The following CCDC171 variants were observed in gnomAD, a reference collection of about 807,000 sequenced individuals.
The protein encoded by CCDC171 is coiled-coil domain containing 171.
Under a neutral mutation model 168.2 loss-of-function variants are expected in CCDC171, and 177 were observed. That is an observed-to-expected ratio of 1.05 (90% CI 0.93 to 1.19). The LOEUF (loss-of-function observed/expected upper bound fraction) is 1.19. CCDC171 is among the 50% of genes most tolerant of loss of function. The pLI is 0.00. For synonymous variants in CCDC171, 687 were observed against 540.8 expected, an observed-to-expected ratio of 1.27 and a Z score of -3.75; for missense variants, 1,991 against 1,539.0, an observed-to-expected ratio of 1.29 and a Z score of -4.91.
At chr9:15,563,527 T>C (rs2039484206) in intron 1 of CCDC171, among the ~76,000 whole-genome samples, 1 of 152,212 alleles carries the variant, frequency 6.6e-6, no homozygotes, top group African/African-American at 2.4e-5. Context: ...CAATGCTATA[T>C]ATAAAATACC....
Position 15,784,660 on chromosome 9 carries a change from C to T in CCDC171, c.3233C>T (p.Ala1078Val), listed in dbSNP as rs766045155. ...CTTGAATTGCACTCCAGTGAGGAAG[C>T]TGACAAAAACCAAACTCTTGGAGAA... is the stretch of plus-strand genomic sequence containing the variant. The part of the protein sequence containing the change: ...YKLELHSSEE[A>V]DKNQTLGEAV... The change falls in exon 21 of 26, where the codon GCT becomes GTT. Residue 1078 changes from alanine to valine, a missense_variant. Transcript: ENST00000380701. 1 of 1,612,696 alleles carries T rather than the reference C, an allele frequency of 6.2e-7. No homozygotes were observed. Among genetic ancestry groups the T allele is most frequent in the East Asian group, 2.2e-5 (1 of 44,814 alleles).
intron 3 of CCDC171, among the ~76,000 whole-genome samples, chr9:15,577,516 G>A (rs1239677853): frequency 6.6e-6 from 1 of 152,136 alleles, no homozygotes; most frequent in South Asian, 2.1e-4. Flanking sequence ...CTGCAAAGAG[G>A]CTTTCACTGT....
At chr9:15,977,359 A>G (rs1344752871), downstream of CCDC171, among the ~76,000 whole-genome samples, 2 of 152,204 alleles carry the variant, frequency 1.3e-5, no homozygotes, top group East Asian at 1.9e-4. Flanking sequence ...TACTCTTTGC[A>G]GTAGTGATAC....
In CCDC171 at chr9:15,934,593, G is replaced by T. The variant is rs904025069; in HGVS notation, c.3753+14171G>T. Among the ~76,000 whole-genome samples the T allele has an allele frequency of 7.0e-4, 106 of 151,844 alleles. 1 individual carries two copies. Among genetic ancestry groups the T allele is most frequent in the African/African-American group, 2.3e-3 (97 of 41,368 alleles). ...AAAGTGGTAAACCACTGTGGAAAATGATTCCTCAATAAGTTAAACTTGGAG... is the reference window on the plus strand; with the variant it reads ...AAAGTGGTAAACCACTGTGGAAAATTATTCCTCAATAAGTTAAACTTGGAG... On this transcript the variant is annotated intron_variant, in intron 25 of 25. Coordinates refer to ENST00000380701, the MANE Select transcript of CCDC171 (RefSeq NM_173550.4).
At chr9:15,706,129 G>A (rs1235627884) in intron 11 of CCDC171, among the ~76,000 whole-genome samples, 2 of 152,180 alleles carry the variant, frequency 1.3e-5, no homozygotes, top group Admixed American at 6.5e-5. Context: ...AAGCACTACA[G>A]TTGCTCCTGT....
At chr9:16,021,207 C>T (rs1462520424) in intron 4 of CCDC171, among the ~76,000 whole-genome samples, 2 of 152,154 alleles carry the variant, frequency 1.3e-5, no homozygotes, top group Non-Finnish European at 2.9e-5. Flanking sequence ...CCTGCCTCAG[C>T]CTCCCGAGTA....
chr9:15,807,777 C>T lies in CCDC171; in HGVS notation c.3267+23083C>T, dbSNP rs535648005. On this transcript the variant is annotated intron_variant, in intron 21 of 25. Coordinates refer to ENST00000380701, the MANE Select transcript of CCDC171 (RefSeq NM_173550.4). ...TTCCTCTCCAGAACTCTGTACTATA[C>T]CTTTTAGCTATCTCAGGCACCTAGG... Among the ~76,000 whole-genome samples, 8 of 151,652 alleles carry T rather than the reference C, an allele frequency of 5.3e-5. No individual in the cohort carries two copies. In the South Asian group the frequency reaches 1.7e-3, roughly 32 times the overall value.
At chr9:15,804,737 G>T (rs1023416624) in intron 21 of CCDC171, among the ~76,000 whole-genome samples, 1 of 152,064 alleles carries the variant, frequency 6.6e-6, no homozygotes, top group Non-Finnish European at 1.5e-5. Context: ...TCAGGATAAT[G>T]CTGGCCTCAT....
At chr9:15,920,512 C>T in intron 25 of CCDC171, 90 bp downstream of exon 25, 1 of 896,042 alleles carries the variant, frequency 1.1e-6, no homozygotes, top group East Asian at 2.6e-5. Context: ...GATCATTTGC[C>T]AATATATATA....
At position 15,729,618 on chromosome 9, in the gene CCDC171, T is replaced by A. The variant is rs1388455654; in HGVS notation, c.1869T>A (p.His623Gln). Residue 623 changes from histidine to glutamine, a missense_variant, in exon 16 of 26, where the codon CAT becomes CAA. Physicochemically the swap from His to Gln is conservative, Grantham distance 24. Coordinates refer to ENST00000380701, the MANE Select transcript of CCDC171 (RefSeq NM_173550.4). ...DLNRANEKIR[H>Q]LEYICKNKSD... ...TGCATCTCCCCGTATAGATAAGGCATCTAGAGTATATCTGTAAAAACAAGT... is the reference window on the plus strand; with the variant it reads ...TGCATCTCCCCGTATAGATAAGGCAACTAGAGTATATCTGTAAAAACAAGT... The A allele has an allele frequency of 1.2e-6, 2 of 1,609,758 alleles. No homozygotes were observed. The highest frequency in any genetic ancestry group is 4.5e-5 in the East Asian group (2 of 44,854).
At chr9:15,915,353 A>G (rs1049504300) in intron 24 of CCDC171, among the ~76,000 whole-genome samples, 1 of 111,250 alleles carries the variant, frequency 9.0e-6, no homozygotes, top group Non-Finnish European at 2.0e-5. Flanking sequence ...TTGGTTAAAT[A>G]TATTCCTAGT....
chr9:15,585,034 C>T (rs1340637136), intron 4 of CCDC171, among the ~76,000 whole-genome samples: 1 of 152,080 alleles, frequency 6.6e-6, no homozygotes, highest in African/African-American at 2.4e-5. Context: ...CAAATGAAAA[C>T]CATAGTAGAT....
At chr9:15,582,641 A>G (rs1385496789) in intron 4 of CCDC171, among the ~76,000 whole-genome samples, 1 of 152,218 alleles carries the variant, frequency 6.6e-6, no homozygotes, top group Non-Finnish European at 1.5e-5. Context: ...AGGGACATGC[A>G]TGAAGCTGGA....
chr9:15,618,971 C>T (rs185033704), intron 6 of CCDC171, among the ~76,000 whole-genome samples: 3 of 152,082 alleles, frequency 2.0e-5, no homozygotes, highest in Non-Finnish European at 2.9e-5. Context: ...GGCCCCTCCC[C>T]GCCCTGTCCA....
chr9:15,850,137 G>A (rs1247360025), intron 23 of CCDC171: 2 of 151,760 alleles, frequency 1.3e-5, no homozygotes, highest in African/African-American at 4.8e-5. Context: ...TTTGAACTTG[G>A]TGGATAGAAA....
At chr9:15,766,972 A>G (rs779433374) in intron 18 of CCDC171, among the ~76,000 whole-genome samples, 6 of 152,184 alleles carry the variant, frequency 3.9e-5, no homozygotes, top group African/African-American at 7.2e-5. Context: ...TCTACTGGTT[A>G]TATTTAAAGG....
intron 25 of CCDC171, among the ~76,000 whole-genome samples, chr9:15,931,626 G>A (rs1460687385): frequency 2.0e-5 from 3 of 151,140 alleles, no homozygotes; most frequent in African/African-American, 7.3e-5. Flanking sequence ...TTAGTTTGAT[G>A]TAATCACATT....
chr9:16,095,147 G>A, the CCDC171 span, among the ~76,000 whole-genome samples: 2 of 152,154 alleles, frequency 1.3e-5, no homozygotes, highest in African/African-American at 4.8e-5. Context: ...CTGAGTCTCA[G>A]GTATTTCTTT....
chr9:16,047,650 C>T (rs776199919), intron 1 of CCDC171, among the ~76,000 whole-genome samples: 2 of 152,324 alleles, frequency 1.3e-5, no homozygotes, highest in South Asian at 2.1e-4. Flanking sequence ...ACACAAAGTC[C>T]TTTGTTACCT....
Sources: allele counts gnomAD v4.1 joint callset (sites outside exome capture counted in the v4.1 genomes callset), GRCh38; gene constraint gnomAD v4.1.1; transcripts MANE v1.5; gene names NCBI Gene and HGNC (gene_info 2026-07-23, HGNC 2026-07-21).